The following CALCOCO1 variants were observed in gnomAD, a reference collection of about 807,000 sequenced individuals.
CALCOCO1 encodes calcium-binding and coiled-coil domain-containing protein 1.
Under a neutral mutation model 86.3 loss-of-function variants are expected in CALCOCO1, and 44 were observed. The ratio of observed to expected loss-of-function variants is 0.51; its 90% CI spans 0.40 to 0.66. CALCOCO1 has a LOEUF of 0.66. Among genes scored for constraint, CALCOCO1 ranks in the 30% least tolerant of loss-of-function variants. CALCOCO1 has a pLI of 0.00. For synonymous variants in CALCOCO1, 297 were observed against 327.6 expected (o/e 0.91, Z 1.01); for missense variants, 708 against 851.1 (o/e 0.83, Z 2.09).
chr12:53,721,608 G>C lies in CALCOCO1; in HGVS notation c.617C>G (p.Ser206Cys). ...TELMEQYKGI[S>C]RSHGEITEER... ...TTCTGTGATCTCCCCATGGGACCGG[G>C]AAATCCCCTGAAATTAAGTTTCCCC... is the stretch of plus-strand genomic sequence containing the variant. The change falls in exon 6 of 15, where the codon TCC becomes TGC. Residue 206 changes from serine (S) to cysteine (C), a missense_variant. Ser to Cys is a moderately radical substitution (Grantham distance 112). Transcript: ENST00000550804. 1 of 1,613,914 alleles carries C rather than the reference G, an allele frequency of 6.2e-7. No homozygotes were observed. Among genetic ancestry groups the C allele is most frequent in the Non-Finnish European group, 8.5e-7 (1 of 1,179,958 alleles).
In CALCOCO1 at chr12:53,710,404, G is replaced by A. The variant is rs1027800804; in HGVS notation, c.*1540C>T. ...ACACAGGGGCCCTGAAGGGAGAGGA[G>A]GGCAGCTGAGAAGGGAGCTATTGGG... On this transcript the variant is annotated 3_prime_UTR_variant, in exon 15 of 15. Coordinates refer to ENST00000550804, the MANE Select transcript of CALCOCO1 (RefSeq NM_020898.3). 5 of 152,680 alleles carry A rather than the reference G, an allele frequency of 3.3e-5. No individual in the cohort carries two copies. The highest frequency in any genetic ancestry group is 7.3e-5 in the Non-Finnish European group (5 of 68,214). 9.5% of individuals were successfully genotyped at this position (152,680 alleles called of 1,614,324 possible). A position where few individuals can be genotyped will look rare whatever the true frequency, so the allele number is the denominator to read the frequency against.
chr12:53,727,219 G>A (rs985582186), intron 1 of CALCOCO1, among the ~76,000 whole-genome samples, 185 bp downstream of exon 1: 3 of 152,160 alleles, frequency 2.0e-5, no homozygotes, highest in African/African-American at 7.2e-5. Flanking sequence ...CCCCCAATCA[G>A]AGTCCCCTTG....
At chr12:53,719,707 T>G in intron 7 of CALCOCO1, 32 bp downstream of exon 7, 2 of 1,484,806 alleles carry the variant, frequency 1.3e-6, no homozygotes, top group Non-Finnish European at 1.9e-6. Context: ...GGCTGGACAA[T>G]GGAGAAAGCA....
In CALCOCO1 at chr12:53,723,022, C is replaced by T. The variant is rs1439091614; in HGVS notation, c.450+571G>A. The T allele has an allele frequency of 3.0e-5, 11 of 361,156 alleles. No homozygotes were observed. The East Asian group carries it at 7.5e-4, about 25-fold the overall frequency. The allele number at this position is 361,156 out of a possible 1,614,324, so 22.4% of individuals were successfully genotyped here. On this transcript the variant is annotated intron_variant, in intron 4 of 14. Coordinates refer to ENST00000550804, the MANE Select transcript of CALCOCO1 (RefSeq NM_020898.3). ...AAAAAAACCCCAAACAGTATCATTT[C>T]AACATGTAGTCAAAATAAAAATTAT...
chr12:53,715,324 G>A lies in CALCOCO1; in HGVS notation c.1262C>T (p.Ala421Val), dbSNP rs1945694361. 1 of 1,614,004 alleles carries A rather than the reference G, an allele frequency of 6.2e-7. No individual in the cohort carries two copies. Among genetic ancestry groups the A allele is most frequent in the South Asian group, 1.1e-5 (1 of 91,080 alleles). The change falls in exon 10 of 15, where the codon GCA becomes GTA. Residue 421 changes from alanine to valine, a missense_variant and splice_region_variant. Ala to Val is a moderately conservative substitution (Grantham distance 64, BLOSUM62 0). Transcript: ENST00000550804. Reference protein sequence around the residue: ...ERAGLLQSVEAEKDKILKLSA... With the variant: ...ERAGLLQSVEVEKDKILKLSA... ...CAGCTTCAGGATCTTGTCCTTCTCT[G>A]CCTGAGAGATAGCCAAGAAGGAAAA...
rs577870790 is a variant in CALCOCO1, at chr12:53,712,197, G to A, written c.1899-76C>T. Reference sequence around the variant, plus strand: ...CTTGACTTGCAGACTTCGGAGAGCAGGACCCATGTGCCTGGGTTCCCAGGT... The same window carrying A: ...CTTGACTTGCAGACTTCGGAGAGCAAGACCCATGTGCCTGGGTTCCCAGGT... On this transcript the variant is annotated intron_variant, in intron 14 of 14. Coordinates refer to ENST00000550804, the MANE Select transcript of CALCOCO1 (RefSeq NM_020898.3). 30 of 1,339,742 alleles carry A rather than the reference G, an allele frequency of 2.2e-5. No homozygotes were observed. The African/African-American group carries it at 3.8e-4, about 17-fold the overall frequency. 83.0% of individuals were successfully genotyped at this position (1,339,742 alleles called of 1,614,324 possible). A position where few individuals can be genotyped will look rare whatever the true frequency, so the allele number is the denominator to read the frequency against.
chr12:53,723,536 T>C, intron 4 of CALCOCO1, 57 bp downstream of exon 4: 1 of 1,583,650 alleles, frequency 6.3e-7, no homozygotes. Context: ...AAGGGTCCTC[T>C]TGCAATGCTG....
rs1459585972 is a variant in CALCOCO1, at chr12:53,708,959, G to T, written c.*2985C>A. The T allele has an allele frequency of 6.6e-6, 1 of 152,260 alleles. No homozygotes were observed. Among genetic ancestry groups the T allele is most frequent in the South Asian group, 2.1e-4 (1 of 4,830 alleles). The allele number at this position is 152,260 out of a possible 1,614,324, so 9.4% of individuals were successfully genotyped here. A position where few individuals can be genotyped will look rare whatever the true frequency, so the allele number is the denominator to read the frequency against. On this transcript the variant is annotated 3_prime_UTR_variant, in exon 15 of 15. Coordinates refer to ENST00000550804, the MANE Select transcript of CALCOCO1 (RefSeq NM_020898.3). ...ATGGAAGGGCAAGTTGGGACAGATG[G>T]TGAAGACCCTGACTGGCACACTAAG...
chr12:53,715,210 T>G lies in CALCOCO1; in HGVS notation c.1376A>C (p.Asp459Ala), dbSNP rs764564567. The change falls in exon 10 of 15, where the codon GAT (aspartate) becomes GCT (alanine). Residue 459 changes from aspartate to alanine, a missense_variant. By Grantham distance (126) the Asp-to-Ala change is moderately radical. Coordinates refer to ENST00000550804, the MANE Select transcript of CALCOCO1 (RefSeq NM_020898.3). ...VFKTELAREK[D>A]SSLVQLSESK... The stretch of plus-strand genomic sequence containing the variant: ...GGCTGGATGCCTCACCAGGCTAGAA[T>G]CCTTCTCCCGGGCCAGCTCAGTCTT... The G allele has an allele frequency of 1.2e-6, 2 of 1,614,114 alleles. No individual in the cohort carries two copies. Among genetic ancestry groups the G allele is most frequent in the Non-Finnish European group, 1.7e-6 (2 of 1,179,996 alleles).
At position 53,711,562 on chromosome 12, in the gene CALCOCO1, CT is replaced by C. The variant is rs765635501; in HGVS notation, c.*381del. 1.4e-5 allele frequency: 4 copies of C among 293,284 alleles called. No homozygotes were observed. The East Asian group carries it at 1.7e-4, about 12-fold the overall frequency. The allele number at this position is 293,284 out of a possible 1,614,324, so 18.2% of individuals were successfully genotyped here. A position where few individuals can be genotyped will look rare whatever the true frequency, so the allele number is the denominator to read the frequency against. ...GAGGGTAGGGTGCCCCAGGAATTGG[CT>C]TTGGGGCATCAGACAAGGGAGTGTG... is the stretch of plus-strand genomic sequence containing the variant. On this transcript the variant is annotated 3_prime_UTR_variant, in exon 15 of 15. Transcript: ENST00000550804.
At chr12:53,712,157 G>C (rs767082178) in intron 14 of CALCOCO1, 36 bp from the exon 15 acceptor site, 7 of 1,543,976 alleles carry the variant, frequency 4.5e-6, no homozygotes, top group Non-Finnish European at 6.1e-6. Flanking sequence ...GAGGGTCGGC[G>C]TGCTCTGTTC....
intron 10 of CALCOCO1, 137 bp from the exon 11 acceptor site, chr12:53,714,830 G>A: frequency 3.2e-6 from 2 of 634,534 alleles, no homozygotes; most frequent in Non-Finnish European, 2.8e-6. Flanking sequence ...CACACACACA[G>A]GAATTCCCAA....
At chr12:53,712,324 A>G (rs1945584926) in intron 14 of CALCOCO1, 1 of 559,276 alleles carries the variant, frequency 1.8e-6, no homozygotes, top group African/African-American at 1.9e-5. Flanking sequence ...TCTCTTCTTT[A>G]GTCCCTGCTG....
At chr12:53,716,600 C>G (rs1255105385) in intron 7 of CALCOCO1, among the ~76,000 whole-genome samples, 185 bp from the exon 8 acceptor site, 2 of 152,216 alleles carry the variant, frequency 1.3e-5, no homozygotes, top group Non-Finnish European at 2.9e-5. Flanking sequence ...TATCCAGTCT[C>G]CAGCTCCCAA....
rs1463718471 is a variant in CALCOCO1, at chr12:53,708,907, T to A, written c.*3037A>T. ...GTGGAATGGTTCTGTTATACTGGAG[T>A]ACAGGGTTCCTTAGGGTAGATGGGA... On this transcript the variant is annotated 3_prime_UTR_variant, in exon 15 of 15. Transcript: ENST00000550804. 6.6e-6 allele frequency: 1 copy of A among 152,162 alleles called. No individual in the cohort carries two copies. Among genetic ancestry groups the A allele is most frequent in the Non-Finnish European group, 1.5e-5 (1 of 68,022 alleles). The allele number at this position is 152,162 out of a possible 1,614,324, so 9.4% of individuals were successfully genotyped here.
chr12:53,723,973 T>C (rs1945949777), intron 3 of CALCOCO1, 190 bp from the exon 4 acceptor site: 1 of 595,480 alleles, frequency 1.7e-6, no homozygotes, highest in Non-Finnish European at 3.0e-6. Context: ...ATAATCATAA[T>C]AATGCTAGTT....
intron 4 of CALCOCO1, among the ~76,000 whole-genome samples, chr12:53,722,433 T>C (rs4759052): frequency 0.093 from 14,176 of 152,114 alleles, 1,220 homozygotes; most frequent in East Asian, 0.4. Context: ...CCTTTCCTCA[T>C]CCAGCAATTG....
In CALCOCO1 at chr12:53,711,289, A is replaced by G; in HGVS notation, c.*655T>C. 2.5e-6 allele frequency: 1 copy of G among 397,926 alleles called. No homozygotes were observed. The highest frequency in any genetic ancestry group is 4.4e-6 in the Non-Finnish European group (1 of 225,474). 24.6% of individuals were successfully genotyped at this position (397,926 alleles called of 1,614,324 possible). A position where few individuals can be genotyped will look rare whatever the true frequency, so the allele number is the denominator to read the frequency against. ...AGGCACAAATACATTATTTCTTTCC[A>G]TGTGAGGAGATGCGAGGAGAGGATA... is the stretch of plus-strand genomic sequence containing the variant. On this transcript the variant is annotated 3_prime_UTR_variant, in exon 15 of 15. Coordinates refer to ENST00000550804, the MANE Select transcript of CALCOCO1 (RefSeq NM_020898.3).
At chr12:53,724,944 T>C in intron 2 of CALCOCO1, 143 bp downstream of exon 2, 3 of 973,132 alleles carry the variant, frequency 3.1e-6, no homozygotes, top group Non-Finnish European at 4.6e-6. Context: ...GCTTTGGTTA[T>C]ACAGGCGGCC....
Sources: allele counts gnomAD v4.1 joint callset (sites outside exome capture counted in the v4.1 genomes callset), GRCh38; gene constraint gnomAD v4.1.1; transcripts MANE v1.5; gene names NCBI Gene and HGNC (gene_info 2026-07-23, HGNC 2026-07-21).